Variants in CABCOCO1 observed in about 807,000 individuals in gnomAD.
CABCOCO1 encodes ciliary-associated calcium-binding coiled-coil protein 1.
In CABCOCO1, 28 loss-of-function variants were observed where a neutral mutation model predicts 35.7. That is an observed-to-expected ratio of 0.78 (90% CI 0.58 to 1.07). CABCOCO1 has a LOEUF of 1.07. Ranked by LOEUF, CABCOCO1 falls within the 50% of genes least tolerant of loss-of-function variation. CABCOCO1 has a pLI of 0.00. For missense variants in CABCOCO1, 326 were observed against 309.2 expected (o/e 1.05, Z -0.41); for synonymous variants, 95 against 100.1 (o/e 0.95, Z 0.30).
intron 5 of CABCOCO1, among the ~76,000 whole-genome samples, chr10:61,726,658 G>A (rs953193588): frequency 1.3e-5 from 2 of 151,780 alleles, no homozygotes; most frequent in African/African-American, 2.4e-5. Flanking sequence ...TACTTTGTGC[G>A]TTCATAATAG....
chr10:61,663,586 A>G (rs1160402538), intron 1 of CABCOCO1, among the ~76,000 whole-genome samples: 1 of 151,678 alleles, frequency 6.6e-6, no homozygotes, highest in Admixed American at 6.6e-5. Context: ...ACAAATAAAT[A>G]CAGGTGAAAG....
chr10:61,761,127 T>A, intron 7 of CABCOCO1, 124 bp downstream of exon 7: 1 of 997,680 alleles, frequency 1.0e-6, no homozygotes, highest in Non-Finnish European at 1.5e-6. Context: ...AAGTTCAATT[T>A]AACAGCTTCA....
chr10:61,680,482 ATAT>A (rs1589116071), intron 2 of CABCOCO1, among the ~76,000 whole-genome samples: 1 of 133,230 alleles, frequency 7.5e-6, no homozygotes, highest in African/African-American at 2.8e-5. Context: ...ATATTTATAT[ATAT>A]AACATATTAT....
At chr10:61,699,441 C>T (rs1426315447) in intron 5 of CABCOCO1, among the ~76,000 whole-genome samples, 4 of 152,092 alleles carry the variant, frequency 2.6e-5, no homozygotes. Context: ...CCAAGTCTTC[C>T]CATCTGTTGG....
intron 5 of CABCOCO1, among the ~76,000 whole-genome samples, chr10:61,700,017 A>G (rs1840408233): frequency 6.6e-6 from 1 of 152,156 alleles, no homozygotes; most frequent in Non-Finnish European, 1.5e-5. Context: ...TGTGGACTGA[A>G]AAACCTAAAT....
intron 5 of CABCOCO1, among the ~76,000 whole-genome samples, chr10:61,724,280 G>A (rs924818427): frequency 6.6e-6 from 1 of 152,134 alleles, no homozygotes; most frequent in Non-Finnish European, 1.5e-5. Flanking sequence ...AACAAAATTT[G>A]TGACTGGAGT....
At chr10:61,729,140 T>C (rs190401451) in intron 5 of CABCOCO1, among the ~76,000 whole-genome samples, 1 of 152,152 alleles carries the variant, frequency 6.6e-6, no homozygotes, top group Admixed American at 6.6e-5. Context: ...TAATATTTTT[T>C]CTAACTTTGA....
At chr10:61,758,754 A>G (rs1055184295) in intron 5 of CABCOCO1, among the ~76,000 whole-genome samples, 1 of 152,074 alleles carries the variant, frequency 6.6e-6, no homozygotes, top group African/African-American at 2.4e-5. Flanking sequence ...CTTTTTGCCT[A>G]TAAAGTTAGG....
At chr10:61,729,779 C>T (rs1841257388) in intron 5 of CABCOCO1, among the ~76,000 whole-genome samples, 1 of 152,024 alleles carries the variant, frequency 6.6e-6, no homozygotes, top group Non-Finnish European at 1.5e-5. Flanking sequence ...TATTACTCAG[C>T]CTTTAAAAAG....
intron 5 of CABCOCO1, among the ~76,000 whole-genome samples, chr10:61,737,254 C>T (rs950300562): frequency 6.6e-6 from 1 of 152,120 alleles, no homozygotes; most frequent in East Asian, 1.9e-4. Context: ...AATGAGATAG[C>T]GTCTCACACC....
intron 4 of CABCOCO1, among the ~76,000 whole-genome samples, chr10:61,688,627 T>C (rs16916499): frequency 0.12 from 17,895 of 152,132 alleles, 1,387 homozygotes; most frequent in African/African-American, 0.19. Flanking sequence ...TTTTGGGAAT[T>C]AGGCGATAGT....
intron 5 of CABCOCO1, among the ~76,000 whole-genome samples, chr10:61,701,185 A>G (rs953988969): frequency 6.6e-6 from 1 of 152,108 alleles, no homozygotes; most frequent in Non-Finnish European, 1.5e-5. Flanking sequence ...GCATATATAC[A>G]TGTTCTCATT....
chr10:61,713,281 G>T (rs943021373), intron 5 of CABCOCO1, among the ~76,000 whole-genome samples: 3 of 152,152 alleles, frequency 2.0e-5, no homozygotes, highest in Non-Finnish European at 4.4e-5. Context: ...GTGAATGGGA[G>T]TTCACTCATG....
At chr10:61,682,156 T>C (rs1317065019) in intron 3 of CABCOCO1, among the ~76,000 whole-genome samples, 1 of 152,176 alleles carries the variant, frequency 6.6e-6, no homozygotes, top group African/African-American at 2.4e-5. Flanking sequence ...TTTTAAACTT[T>C]TCCTGTAACT....
At chr10:61,693,922 C>A (rs1840224881) in intron 5 of CABCOCO1, among the ~76,000 whole-genome samples, 1 of 151,864 alleles carries the variant, frequency 6.6e-6, no homozygotes, top group Non-Finnish European at 1.5e-5. Flanking sequence ...GAATCAAATT[C>A]AATGTAGGTA....
At chr10:61,729,544 A>G (rs1657263276) in intron 5 of CABCOCO1, among the ~76,000 whole-genome samples, 2 of 152,156 alleles carry the variant, frequency 1.3e-5, no homozygotes, top group Admixed American at 1.3e-4. Context: ...CCACTGTGGA[A>G]AACAGTATGG....
At chr10:61,742,740 C>T (rs559230114) in intron 5 of CABCOCO1, among the ~76,000 whole-genome samples, 1 of 152,292 alleles carries the variant, frequency 6.6e-6, no homozygotes, top group Admixed American at 6.5e-5. Flanking sequence ...ATTTGGTTTT[C>T]CTGCCAATAC....
At chr10:61,737,740 C>G (rs1357583238) in intron 5 of CABCOCO1, among the ~76,000 whole-genome samples, 2 of 151,914 alleles carry the variant, frequency 1.3e-5, no homozygotes, top group Non-Finnish European at 2.9e-5. Context: ...CACTTATAAG[C>G]GAGAGCTAAA....
intron 3 of CABCOCO1, among the ~76,000 whole-genome samples, chr10:61,681,804 A>T (rs555786482): frequency 6.6e-6 from 1 of 152,248 alleles, no homozygotes; most frequent in African/African-American, 2.4e-5. Context: ...AAAGAAGCAA[A>T]AATAAGAATC....
Sources: gnomAD v4.1 joint callset for allele counts (sites outside exome capture counted in the v4.1 genomes callset) on GRCh38, gnomAD v4.1.1 for gene constraint, MANE v1.5 for transcripts, NCBI Gene and HGNC (gene_info 2026-07-23, HGNC 2026-07-21) for gene names.